Variants in NTM observed in about 807,000 individuals in gnomAD.
NTM encodes neurotrimin.
A neutral mutation model predicts 42.1 loss-of-function variants in NTM; 13 were observed. The ratio of observed to expected loss-of-function variants is 0.31; its 90% confidence interval spans 0.20 to 0.49. The LOEUF (loss-of-function observed/expected upper bound fraction) is 0.49, where lower values mean the gene tolerates loss of function less well. Among genes scored for constraint, NTM ranks in the 20% least tolerant of loss-of-function variants. NTM has a pLI of 0.99. For synonymous variants in NTM, 187 were observed against 179.2 expected, an observed-to-expected ratio of 1.04 and a Z score of -0.35; for missense variants, 373 against 452.8, an observed-to-expected ratio of 0.82 and a Z score of 1.60.
chr11:131,751,557 T>A (rs1225538045), intron 1 of NTM, among the ~76,000 whole-genome samples: 3 of 149,112 alleles, frequency 2.0e-5, no homozygotes, highest in Non-Finnish European at 4.4e-5. Context: ...GCCACTGCAC[T>A]CTGGCCTGGG....
intron 3 of NTM, among the ~76,000 whole-genome samples, chr11:132,174,121 C>G (rs921195686): frequency 6.6e-6 from 1 of 152,132 alleles, no homozygotes; most frequent in African/African-American, 2.4e-5. Context: ...AAATTTATGT[C>G]TTAATGATAC....
chr11:131,942,083 A>G (rs975621743), intron 2 of NTM, among the ~76,000 whole-genome samples: 2 of 152,208 alleles, frequency 1.3e-5, no homozygotes, highest in Non-Finnish European at 2.9e-5. Flanking sequence ...AATGAATAAA[A>G]TGAAAGAAGT....
chr11:131,409,110 G>T (rs1165140280), intron 1 of NTM, among the ~76,000 whole-genome samples: 1 of 152,222 alleles, frequency 6.6e-6, no homozygotes. Flanking sequence ...CCACTAACTG[G>T]AGATATGCAA....
chr11:132,307,954 C>A, intron 5 of NTM, 131 bp downstream of exon 5: 1 of 786,888 alleles, frequency 1.3e-6, no homozygotes, highest in Non-Finnish European at 1.9e-6. Flanking sequence ...ACTTTCCACA[C>A]TCTGCTTTCA....
chr11:131,743,517 C>G lies in NTM; in HGVS notation c.83-168047C>G, dbSNP rs188000591. Among the ~76,000 whole-genome samples, 15 of 152,172 alleles carry G rather than the reference C, an allele frequency of 9.9e-5. No homozygotes were observed. In the East Asian group the frequency reaches 2.5e-3, roughly 26 times the overall value. On this transcript the variant is annotated intron_variant, in intron 1 of 8. Coordinates refer to ENST00000683400, the MANE Select transcript of NTM (RefSeq NM_001352005.2). ...ACTCTTCCTAAAAGGAATAATTCAC[C>G]ATGCATATTTTAAAAGTGTTCAGGA...
At chr11:132,049,281 C>T (rs2078500098) in intron 2 of NTM, among the ~76,000 whole-genome samples, 1 of 152,200 alleles carries the variant, frequency 6.6e-6, no homozygotes. Context: ...CCCCAGGCGG[C>T]CCAGGCATGG....
At chr11:132,323,657 T>A (rs2095618805) in intron 7 of NTM, among the ~76,000 whole-genome samples, 1 of 152,096 alleles carries the variant, frequency 6.6e-6, no homozygotes, top group Non-Finnish European at 1.5e-5. Flanking sequence ...AAAGAGGGAA[T>A]CCTCCCTAAC....
At chr11:132,081,565 T>C (rs1594455738) in intron 2 of NTM, among the ~76,000 whole-genome samples, 1 of 151,930 alleles carries the variant, frequency 6.6e-6, no homozygotes, top group East Asian at 1.9e-4. Context: ...ACCCCGTCTC[T>C]ACTAAAAATA....
intron 1 of NTM, among the ~76,000 whole-genome samples, chr11:131,845,721 A>G (rs61903577): frequency 6.6e-6 from 1 of 151,940 alleles, no homozygotes; most frequent in Non-Finnish European, 1.5e-5. Flanking sequence ...TTTTTTTAAA[A>G]TATCTTTTCT....
chr11:131,724,216 C>A (rs1456675911), intron 1 of NTM, among the ~76,000 whole-genome samples: 8 of 152,138 alleles, frequency 5.3e-5, no homozygotes, highest in Non-Finnish European at 7.3e-5. Context: ...GGCGCCTGCA[C>A]CCCTCACCTT....
chr11:131,809,576 T>C (rs2092654832), intron 1 of NTM, among the ~76,000 whole-genome samples: 1 of 152,236 alleles, frequency 6.6e-6, no homozygotes, highest in Admixed American at 6.5e-5. Context: ...CACAGGTTTC[T>C]GGATTCCCTA....
chr11:132,221,447 G>A (rs1566508637), intron 4 of NTM, among the ~76,000 whole-genome samples: 2 of 152,294 alleles, frequency 1.3e-5, no homozygotes, highest in East Asian at 3.9e-4. Flanking sequence ...ATGTGGCACA[G>A]TGCCACATTG....
intron 1 of NTM, among the ~76,000 whole-genome samples, chr11:131,384,899 T>A (rs748361013): frequency 6.6e-6 from 1 of 152,228 alleles, no homozygotes; most frequent in Non-Finnish European, 1.5e-5. Context: ...TGTTCATGGC[T>A]AGTGAGGTGT....
intron 1 of NTM, among the ~76,000 whole-genome samples, chr11:131,739,176 C>A (rs1002347079): frequency 6.7e-6 from 1 of 150,324 alleles, no homozygotes; most frequent in African/African-American, 2.4e-5. Flanking sequence ...ACTCCCACAC[C>A]CACAAGTTTT....
intron 1 of NTM, among the ~76,000 whole-genome samples, chr11:131,604,633 C>T (rs2060771726): frequency 8.3e-6 from 1 of 120,274 alleles, no homozygotes; most frequent in Admixed American, 1.0e-4. Flanking sequence ...CATATATATT[C>T]TTCTAAAAGG....
rs538924133 is a variant in NTM at position 131,865,910 on chromosome 11, C to A, written c.83-45654C>A. ...CTCCCACATTCACACATGCTACATA[C>A]ACACATGCTACACACACACCTCCCA... On this transcript the variant is annotated intron_variant, in intron 1 of 8. Transcript: ENST00000683400. Among the ~76,000 whole-genome samples the A allele has an allele frequency of 2.4e-3, 251 of 106,164 alleles. 9 individuals carry two copies. The highest frequency in any genetic ancestry group is 7.6e-3 in the African/African-American group (241 of 31,558). The allele number at this position is 106,164 out of a possible 152,430, so 69.6% of individuals were successfully genotyped here.
At chr11:131,452,354 G>A (rs898303635) in intron 1 of NTM, among the ~76,000 whole-genome samples, 4 of 152,164 alleles carry the variant, frequency 2.6e-5, no homozygotes, top group African/African-American at 9.7e-5. Context: ...TCTCAGGCAG[G>A]GAGTTCACCT....
intron 1 of NTM, among the ~76,000 whole-genome samples, chr11:131,626,704 C>T (rs1261067640): frequency 2.6e-5 from 4 of 152,316 alleles, no homozygotes; most frequent in African/African-American, 7.2e-5. Context: ...TGCAAGGAGG[C>T]GAAGGCTCCT....
At chr11:131,673,612 T>C (rs2070812455) in intron 1 of NTM, among the ~76,000 whole-genome samples, 1 of 152,144 alleles carries the variant, frequency 6.6e-6, no homozygotes, top group Non-Finnish European at 1.5e-5. Context: ...CTGCTCTAAT[T>C]TTGTCTGCTT....
Sources: allele counts gnomAD v4.1 joint callset (sites outside exome capture counted in the v4.1 genomes callset), GRCh38; gene constraint gnomAD v4.1.1; transcripts MANE v1.5; gene names NCBI Gene and HGNC (gene_info 2026-07-23, HGNC 2026-07-21).